Variants in VAC14 observed in about 807,000 individuals in gnomAD.
The protein encoded by VAC14 is protein VAC14 homolog.
Under a neutral mutation model 85.3 loss-of-function variants are expected in VAC14, and 47 were observed. The ratio of observed to expected loss-of-function variants is 0.55; its 90% confidence interval spans 0.44 to 0.70. VAC14 has a LOEUF of 0.70. VAC14 is among the 30% of genes least tolerant of loss of function. The probability of loss-of-function intolerance (pLI) is 0.00; values close to 1 mark genes in which losing one functional copy is unlikely to be tolerated. For synonymous variants in VAC14, 447 were observed against 430.5 expected (o/e 1.04, Z -0.47); for missense variants, 861 against 1,004.3 (o/e 0.86, Z 1.93).
At chr16:70,735,474 G>T (rs561593287) in intron 13 of VAC14, among the ~76,000 whole-genome samples, 1 of 152,340 alleles carries the variant, frequency 6.6e-6, no homozygotes, top group East Asian at 1.9e-4. Context: ...GATGCCAGCG[G>T]GCAGGAAGCA....
chr16:70,784,098 C>T lies in VAC14; in HGVS notation c.594+15G>A, dbSNP rs749209996. 5.0e-6 allele frequency: 8 copies of T among 1,610,752 alleles called. No homozygotes were observed. Among genetic ancestry groups the T allele is most frequent in the South Asian group, 1.1e-5 (1 of 90,996 alleles). On this transcript the variant is annotated intron_variant, in intron 5 of 18. Coordinates refer to ENST00000261776, the MANE Select transcript of VAC14 (RefSeq NM_018052.5). ...AAACTGGAGGCTGGAGAAACGGTGT[C>T]CGGCCAGGCCTTACCCAGGAGATGA...
intron 14 of VAC14, chr16:70,715,989 A>G (rs2054159176): frequency 1.3e-5 from 2 of 152,262 alleles, no homozygotes; most frequent in African/African-American, 4.8e-5. Context: ...AGCCTTTAAA[A>G]GCCAATTCTT....
At chr16:70,696,682 A>C (rs1217891529) in intron 16 of VAC14, among the ~76,000 whole-genome samples, 1 of 152,104 alleles carries the variant, frequency 6.6e-6, no homozygotes, top group Non-Finnish European at 1.5e-5. Flanking sequence ...GCCTGGGCTG[A>C]AGCCTGCAGG....
intron 8 of VAC14, among the ~76,000 whole-genome samples, 178 bp downstream of exon 8, chr16:70,781,690 AG>A (rs1438798144): frequency 2.0e-5 from 3 of 152,144 alleles, no homozygotes; most frequent in African/African-American, 7.2e-5. Flanking sequence ...AGCCAGCATC[AG>A]CCCCGGGTCC....
At chr16:70,783,678 G>A (rs75726903) in intron 5 of VAC14, 124 bp from the exon 6 acceptor site, 1 of 901,690 alleles carries the variant, frequency 1.1e-6, no homozygotes. Context: ...TGCAGTGCAG[G>A]TGTCCCATGT....
chr16:70,729,892 C>G (rs912851560), intron 14 of VAC14, among the ~76,000 whole-genome samples: 1 of 152,168 alleles, frequency 6.6e-6, no homozygotes, highest in Middle Eastern at 3.4e-3. Context: ...CCTCGGTACC[C>G]CCTTGGAGAG....
chr16:70,726,901 A>T (rs1430240551), intron 14 of VAC14, among the ~76,000 whole-genome samples: 1 of 152,046 alleles, frequency 6.6e-6, no homozygotes, highest in African/African-American at 2.4e-5. Flanking sequence ...AGTCCAACCC[A>T]CTCAAGCCTG....
intron 12 of VAC14, among the ~76,000 whole-genome samples, chr16:70,745,908 A>C (rs933097793): frequency 3.9e-4 from 59 of 152,224 alleles, no homozygotes; most frequent in Non-Finnish European, 1.0e-4. Context: ...AGGTGGCTGG[A>C]ATATGGGAAT....
chr16:70,704,031 C>A (rs2053877145), intron 14 of VAC14, among the ~76,000 whole-genome samples: 1 of 152,238 alleles, frequency 6.6e-6, no homozygotes, highest in Admixed American at 6.5e-5. Flanking sequence ...GTGTCACTGT[C>A]CCTCCCATCA....
At chr16:70,770,119 AC>A (rs1394179534) in intron 10 of VAC14, 1 of 152,068 alleles carries the variant, frequency 6.6e-6, no homozygotes, top group East Asian at 1.9e-4. Context: ...CACCCCACCC[AC>A]ACCTGCTCCT....
intron 14 of VAC14, among the ~76,000 whole-genome samples, chr16:70,728,527 T>TCCA (rs2054495847): frequency 3.3e-5 from 5 of 152,342 alleles, no homozygotes; most frequent in Admixed American, 2.6e-4. Flanking sequence ...CTCCCTGGCC[T>TCCA]GGAGTCTGCA....
At chr16:70,791,328 C>T (rs1354301664) in intron 1 of VAC14, among the ~76,000 whole-genome samples, 2 of 152,214 alleles carry the variant, frequency 1.3e-5, no homozygotes, top group Non-Finnish European at 2.9e-5. Context: ...AACATGTTGT[C>T]GAATGTCAGC....
chr16:70,787,634 G>A (rs2034128300), intron 1 of VAC14, among the ~76,000 whole-genome samples: 1 of 152,238 alleles, frequency 6.6e-6, no homozygotes, highest in Non-Finnish European at 1.5e-5. Context: ...GATCACTGAT[G>A]GAGGAGAGGC....
intron 12 of VAC14, among the ~76,000 whole-genome samples, chr16:70,753,098 T>C (rs2031533779): frequency 6.6e-6 from 1 of 152,042 alleles, no homozygotes; most frequent in African/African-American, 2.4e-5. Context: ...AAGTGAGATC[T>C]GGCCCAAGTT....
chr16:70,696,467 C>T (rs1245926737), intron 16 of VAC14, among the ~76,000 whole-genome samples: 3 of 152,194 alleles, frequency 2.0e-5, no homozygotes, highest in African/African-American at 7.2e-5. Context: ...GGGCCAAGAT[C>T]GCCCCACTGC....
chr16:70,712,495 G>C (rs985248970), intron 14 of VAC14, among the ~76,000 whole-genome samples: 1 of 152,188 alleles, frequency 6.6e-6, no homozygotes, highest in Non-Finnish European at 1.5e-5. Context: ...GCTCAGGCTG[G>C]GAGCGTAGAG....
intron 8 of VAC14, among the ~76,000 whole-genome samples, chr16:70,781,220 C>T (rs1171729486): frequency 6.6e-6 from 1 of 152,186 alleles, no homozygotes; most frequent in Non-Finnish European, 1.5e-5. Context: ...TTCCTCTTTG[C>T]CTCTGCCATG....
intron 18 of VAC14, 75 bp from the exon 19 acceptor site, chr16:70,688,165 T>TCAGA: frequency 7.2e-7 from 1 of 1,394,282 alleles, no homozygotes; most frequent in South Asian, 1.8e-5. Flanking sequence ...GGCAGTGGGG[T>TCAGA]CAGAGGCAGA....
Position 70,781,356 on chromosome 16 carries a change from C to T in VAC14, c.947-417G>A, listed in dbSNP as rs148708961. Among the ~76,000 whole-genome samples, 865 of 152,302 alleles carry T rather than the reference C, an allele frequency of 5.7e-3. 3 individuals are homozygous for T. Among genetic ancestry groups the T allele is most frequent in the Non-Finnish European group, 9.5e-3 (643 of 68,032 alleles). ...TATAAATTACCCAGCCTCAGGTATT[C>T]CTTTATAGCAACGCAAAATGGGTTA... On this transcript the variant is annotated intron_variant, in intron 8 of 18. Coordinates refer to ENST00000261776, the MANE Select transcript of VAC14 (RefSeq NM_018052.5).
Sources: allele counts gnomAD v4.1 joint callset (sites outside exome capture counted in the v4.1 genomes callset), GRCh38; gene constraint gnomAD v4.1.1; transcripts MANE v1.5; gene names NCBI Gene and HGNC (gene_info 2026-07-23, HGNC 2026-07-21).